Variants in PRKCE observed in about 807,000 individuals in gnomAD.
The protein encoded by PRKCE is protein kinase C epsilon.
PRKCE carries 16 observed loss-of-function variants against 85.4 expected under a neutral mutation model. The ratio of observed to expected loss-of-function variants is 0.19; its 90% CI spans 0.13 to 0.28. PRKCE has a LOEUF of 0.28. Among genes scored for constraint, PRKCE ranks in the 10% least tolerant of loss-of-function variants. The pLI, the probability that PRKCE is intolerant of heterozygous loss-of-function variation, is 1.00. For synonymous variants in PRKCE, 388 were observed against 371.5 expected (o/e 1.04, Z -0.51); for missense variants, 573 against 975.2 (o/e 0.59, Z 5.49).
At chr2:45,867,746 C>T (rs897124549) in intron 2 of PRKCE, among the ~76,000 whole-genome samples, 23 of 151,884 alleles carry the variant, frequency 1.5e-4, no homozygotes, top group African/African-American at 4.8e-4. Flanking sequence ...TGTGTGTGCA[C>T]GTGTGTGCTA....
rs138274155 is a variant in PRKCE at position 45,900,313 on chromosome 2, A to G, written c.412+57250A>G. 6.4e-3 allele frequency among the ~76,000 whole-genome samples: 980 copies of G among 152,342 alleles called. 3 individuals carry two copies. The highest frequency in any genetic ancestry group is 9.5e-3 in the Non-Finnish European group (648 of 68,036). The stretch of plus-strand genomic sequence containing the variant: ...GAACTGATCAGATGGATATTTATAC[A>G]CCAGTGTTTATAACAGCATTATTCA... On this transcript the variant is annotated intron_variant, in intron 2 of 14. Transcript: ENST00000306156.
chr2:45,754,042 G>C (rs1219598296), intron 1 of PRKCE, among the ~76,000 whole-genome samples: 2 of 152,194 alleles, frequency 1.3e-5, no homozygotes, highest in Non-Finnish European at 1.5e-5. Flanking sequence ...CATTGCCTTT[G>C]ATTGCTAGCT....
chr2:46,075,982 G>C (rs1245734557), intron 10 of PRKCE, among the ~76,000 whole-genome samples: 2 of 152,194 alleles, frequency 1.3e-5, no homozygotes, highest in Non-Finnish European at 2.9e-5. Flanking sequence ...GCAATTGATA[G>C]AGAAAGCAAC....
intron 1 of PRKCE, among the ~76,000 whole-genome samples, chr2:45,828,192 G>C (rs1469311880): frequency 6.6e-6 from 1 of 152,212 alleles, no homozygotes; most frequent in African/African-American, 2.4e-5. Context: ...CCTCACAAAA[G>C]TGGAGGAACA....
chr2:45,943,234 C>T (rs757072158), intron 2 of PRKCE, among the ~76,000 whole-genome samples: 2 of 152,192 alleles, frequency 1.3e-5, no homozygotes, highest in Non-Finnish European at 2.9e-5. Flanking sequence ...TACTCCAAAG[C>T]AGACTAACAT....
In PRKCE at chr2:45,730,246, G is replaced by A. The variant is rs1031550281; in HGVS notation, c.348+77798G>A. On this transcript the variant is annotated intron_variant, in intron 1 of 14. Coordinates refer to ENST00000306156, the MANE Select transcript of PRKCE (RefSeq NM_005400.3). ...GTGCTCACTGTAACCTCAAGTTTTTGGGCTCAAACAACCCTCCCATCTCAG... is the reference window on the plus strand; with the variant it reads ...GTGCTCACTGTAACCTCAAGTTTTTAGGCTCAAACAACCCTCCCATCTCAG... Among the ~76,000 whole-genome samples the A allele has an allele frequency of 5.9e-5, 9 of 152,208 alleles. No homozygotes were observed. In the South Asian group the frequency reaches 1.0e-3, roughly 18 times the overall value.
At chr2:45,851,577 T>G (rs1692260818) in intron 2 of PRKCE, 1 of 152,194 alleles carries the variant, frequency 6.6e-6, no homozygotes, top group Non-Finnish European at 1.5e-5. Flanking sequence ...GTCAAGCTTA[T>G]TATTTTGTTT....
At chr2:45,958,193 A>C (rs1429655091) in intron 2 of PRKCE, among the ~76,000 whole-genome samples, 1 of 7,576 alleles carries the variant, frequency 1.3e-4, no homozygotes, top group African/African-American at 1.6e-3. Context: ...AGGCCCGCAA[A>C]AAAAAAAAAA....
rs1011041841 is a variant in PRKCE at position 46,145,076 on chromosome 2, C to T, written c.1593-17C>T. On this transcript the variant is annotated splice_polypyrimidine_tract_variant and intron_variant, in intron 11 of 14. Coordinates refer to ENST00000306156, the MANE Select transcript of PRKCE (RefSeq NM_005400.3). This position sits in a 1 kb window ranked among gnomAD's most constrained non-coding sequence, Gnocchi z 4.6. ...GTGAGTGACGTATTGACATTATGGT[C>T]CTGGCCTATCTTGCAGGGATTTGAA... 2 of 1,599,514 alleles carry T rather than the reference C, an allele frequency of 1.3e-6. No individual in the cohort carries two copies. The highest frequency in any genetic ancestry group is 2.7e-5 in the African/African-American group (2 of 74,906).
chr2:46,070,211 G>A (rs7591169), intron 10 of PRKCE, among the ~76,000 whole-genome samples: 120,446 of 152,210 alleles, frequency 0.79, 48,407 homozygotes, highest in East Asian at 1. Context: ...GTTCCTTCAC[G>A]AGGTAGCAGA....
At chr2:45,687,631 C>T (rs958504985) in intron 1 of PRKCE, among the ~76,000 whole-genome samples, 1 of 152,150 alleles carries the variant, frequency 6.6e-6, no homozygotes, top group African/African-American at 2.4e-5. Context: ...ATCTAAATGT[C>T]TTTCATTACT....
intron 10 of PRKCE, among the ~76,000 whole-genome samples, chr2:46,062,277 G>C (rs1465707699): frequency 6.6e-6 from 1 of 152,184 alleles, no homozygotes; most frequent in Non-Finnish European, 1.5e-5. Context: ...GTTGAGGATA[G>C]GGTTTTAGCC....
intron 2 of PRKCE, among the ~76,000 whole-genome samples, chr2:45,928,541 A>T (rs996343664): frequency 2.0e-5 from 3 of 152,184 alleles, no homozygotes; most frequent in Non-Finnish European, 4.4e-5. Flanking sequence ...AAGTGCTAGG[A>T]TTACAGGCGT....
At chr2:45,691,750 G>C (rs1043580000) in intron 1 of PRKCE, among the ~76,000 whole-genome samples, 1 of 152,196 alleles carries the variant, frequency 6.6e-6, no homozygotes, top group Admixed American at 6.5e-5. Flanking sequence ...CAGTGGAACA[G>C]AGCCCTGTGC....
At position 46,159,447 on chromosome 2, in the gene PRKCE, A is replaced by T. The variant is rs1413571989; in HGVS notation, c.1921-159A>T. Among the ~76,000 whole-genome samples, 6 of 152,246 alleles carry T rather than the reference A, an allele frequency of 3.9e-5. No homozygotes were observed. The highest frequency in any genetic ancestry group is 8.8e-5 in the Non-Finnish European group (6 of 68,038). ...TGGGACATAGTCAATTCTATGTAAG[A>T]GTTAAAGAAAACCCAACAGATGTGG... is the stretch of plus-strand genomic sequence containing the variant. On this transcript the variant is annotated intron_variant, in intron 13 of 14. Transcript: ENST00000306156. This position sits in a 1 kb window ranked among gnomAD's most constrained non-coding sequence, Gnocchi z 4.1.
At chr2:46,040,038 T>A (rs1188741597) in intron 10 of PRKCE, among the ~76,000 whole-genome samples, 1 of 152,228 alleles carries the variant, frequency 6.6e-6, no homozygotes, top group African/African-American at 2.4e-5. Flanking sequence ...AGTAAATATG[T>A]TAGAAAACTT....
intron 2 of PRKCE, among the ~76,000 whole-genome samples, chr2:45,868,991 G>A (rs12104975): frequency 0.038 from 5,736 of 150,814 alleles, 383 homozygotes; most frequent in African/African-American, 0.13. Flanking sequence ...GAAAGAAAAC[G>A]TAAATAAATA....
intron 10 of PRKCE, among the ~76,000 whole-genome samples, chr2:46,024,549 G>C (rs968996562): frequency 2.8e-4 from 43 of 152,138 alleles, no homozygotes; most frequent in Non-Finnish European, 7.3e-5. Flanking sequence ...GGGAACACTT[G>C]TGTGCGGGTT....
chr2:46,074,406 A>G (rs1668348155), intron 10 of PRKCE, among the ~76,000 whole-genome samples: 1 of 148,452 alleles, frequency 6.7e-6, no homozygotes, highest in Non-Finnish European at 1.5e-5. Flanking sequence ...AAGCAAGCAA[A>G]CAAACAAACA....
Sources: gnomAD v4.1 joint callset for allele counts (sites outside exome capture counted in the v4.1 genomes callset) on GRCh38, gnomAD v4.1.1 for gene constraint, Gnocchi (gnomAD v3.1) non-coding constraint, MANE v1.5 for transcripts, NCBI Gene and HGNC (gene_info 2026-07-23, HGNC 2026-07-21) for gene names.